TRPC5: variants seen among roughly 807,000 people sequenced by gnomAD.
TRPC5 encodes the protein short transient receptor potential channel 5.
Under a neutral mutation model 56.5 loss-of-function variants are expected in TRPC5, and 9 were observed. The observed-to-expected ratio is 0.16, with a 90% CI of 0.10 to 0.28. The LOEUF (loss-of-function observed/expected upper bound fraction) is 0.28, where lower values mean the gene tolerates loss of function less well. Among genes scored for constraint, TRPC5 ranks in the 10% least tolerant of loss-of-function variants. The pLI, the probability that TRPC5 is intolerant of heterozygous loss-of-function variation, is 1.00. For synonymous variants in TRPC5, 282 were observed against 278.5 expected (o/e 1.01, Z -0.13); for missense variants, 469 against 748.9 (o/e 0.63, Z 4.36).
intron 7 of TRPC5, 59 bp from the exon 8 acceptor site, chrX:111,782,197 T>A (rs1050584562): frequency 3.0e-5 from 31 of 1,042,842 alleles, no homozygotes; most frequent in Non-Finnish European, 3.9e-5. Flanking sequence ...TGTACTCACT[T>A]CTTATTCTAA....
intron 2 of TRPC5, among the ~76,000 whole-genome samples, chrX:111,947,107 G>C (rs1471811021): frequency 9.0e-6 from 1 of 111,301 alleles, no homozygotes; most frequent in Non-Finnish European, 1.9e-5. Flanking sequence ...AAATCCTTCA[G>C]GCCCCTCCTT....
intron 1 of TRPC5, among the ~76,000 whole-genome samples, chrX:111,965,576 G>A (rs144183657): frequency 0.22 from 24,846 of 110,604 alleles, 3,036 homozygotes; most frequent in African/African-American, 0.47. Flanking sequence ...AGTTGGAAGT[G>A]AAGCACTCCT....
chrX:111,963,826 G>A (rs1265326005), intron 1 of TRPC5, among the ~76,000 whole-genome samples: 2 of 111,407 alleles, frequency 1.8e-5, no homozygotes, highest in African/African-American at 3.3e-5. Context: ...ACATCTATAC[G>A]TCAACATCAT....
intron 3 of TRPC5, among the ~76,000 whole-genome samples, chrX:111,905,278 C>G (rs1348349699): frequency 9.1e-6 from 1 of 110,456 alleles, no homozygotes; most frequent in Non-Finnish European, 1.9e-5. Context: ...TTTCAGAGAT[C>G]CTACTCCCTC....
intron 1 of TRPC5, among the ~76,000 whole-genome samples, chrX:112,066,278 T>C (rs1930581794): frequency 1.8e-5 from 2 of 110,839 alleles, no homozygotes; most frequent in South Asian, 7.9e-4. Flanking sequence ...ATTATTTTAT[T>C]TGGCATTTGG....
intron 1 of TRPC5, among the ~76,000 whole-genome samples, chrX:112,074,495 A>G (rs1025242934): frequency 1.8e-5 from 2 of 109,937 alleles, no homozygotes; most frequent in Non-Finnish European, 3.8e-5. Flanking sequence ...ATGGGTTATC[A>G]TTATTTCTTT....
Position 112,082,069 on chromosome X carries a change from C to G in TRPC5, c.-212G>C, listed in dbSNP as rs766811149. 6.3e-5 allele frequency: 7 copies of G among 111,466 alleles called. No homozygotes were observed. The highest frequency in any genetic ancestry group is 1.3e-4 in the Non-Finnish European group (7 of 53,083). 9.2% of individuals were successfully genotyped at this position (111,466 alleles called of 1,213,427 possible). Reference sequence around the variant, plus strand: ...CAGGGAAAGGGGCGGGGTGTAAAGACGAGCGCAAGTACTGGCTCCTACCTT... The same window carrying G: ...CAGGGAAAGGGGCGGGGTGTAAAGAGGAGCGCAAGTACTGGCTCCTACCTT... On this transcript the variant is annotated 5_prime_UTR_variant, in exon 1 of 11. Transcript: ENST00000262839.
chrX:111,952,245 T>G lies in TRPC5; in HGVS notation c.176A>C (p.Tyr59Ser). 2 of 1,211,926 alleles carry G rather than the reference T, an allele frequency of 1.7e-6. No homozygotes were observed. The highest frequency in any genetic ancestry group is 2.2e-6 in the Non-Finnish European group (2 of 895,552). The change falls in exon 2 of 11, where the codon TAT (tyrosine) becomes TCT (serine). Residue 59 changes from tyrosine to serine, a missense_variant. Coordinates refer to ENST00000262839, the MANE Select transcript of TRPC5 (RefSeq NM_012471.3). ...GTCCATGCAGTTGATGTTAACATTA[T>G]AGTAGATCTCAGCCTCCTGAAGGGC... Reference protein sequence around the residue: ...KQALQEAEIYYNVNINCMDPL... With the variant: ...KQALQEAEIYSNVNINCMDPL...
At chrX:111,833,645 TG>T (rs1922476139) in intron 7 of TRPC5, among the ~76,000 whole-genome samples, 1 of 111,765 alleles carries the variant, frequency 8.9e-6, no homozygotes, top group Non-Finnish European at 1.9e-5. Flanking sequence ...CATTCCTTTT[TG>T]GTTCTGTCCT....
In TRPC5 at chrX:111,771,671, C is replaced by T. The variant is rs1945843912; in HGVS notation, c.*4642G>A. On this transcript the variant is annotated 3_prime_UTR_variant, in exon 11 of 11. Transcript: ENST00000262839. ...GAATATTAACACCTCAAGTATGCAC[C>T]AAATCTCAGGTATACAGTAAATCTG... is the stretch of plus-strand genomic sequence containing the variant. 9.0e-6 allele frequency among the ~76,000 whole-genome samples: 1 copy of T among 111,286 alleles called. No individual in the cohort carries two copies.
At chrX:111,837,051 G>C (rs1922583488) in intron 6 of TRPC5, among the ~76,000 whole-genome samples, 1 of 112,585 alleles carries the variant, frequency 8.9e-6, no homozygotes, top group Non-Finnish European at 1.9e-5. Context: ...CGCTGCTAGA[G>C]AGCTAGCCTA....
intron 2 of TRPC5, among the ~76,000 whole-genome samples, chrX:111,937,389 T>G (rs1486022635): frequency 9.7e-6 from 1 of 102,712 alleles, no homozygotes; most frequent in African/African-American, 3.7e-5. Context: ...TTGCCATTGC[T>G]TTTGGTGTTT....
intron 3 of TRPC5, chrX:111,902,260 G>GTA (rs1339590571): frequency 2.8e-5 from 19 of 667,616 alleles, no homozygotes; most frequent in Non-Finnish European, 3.8e-5. Flanking sequence ...CTTATTTTCT[G>GTA]TATATTAGCA....
chrX:111,802,180 A>G (rs996164286), intron 7 of TRPC5, among the ~76,000 whole-genome samples: 5 of 111,751 alleles, frequency 4.5e-5, no homozygotes, highest in Non-Finnish European at 7.5e-5. Context: ...GAAACTCATA[A>G]AAAATTTATT....
At chrX:111,799,047 T>G (rs1262386481) in intron 7 of TRPC5, among the ~76,000 whole-genome samples, 1 of 111,352 alleles carries the variant, frequency 9.0e-6, no homozygotes, top group East Asian at 2.8e-4. Context: ...AATAGGTTTT[T>G]TAATGCAGAT....
At chrX:112,055,942 G>C (rs1165241183) in intron 1 of TRPC5, among the ~76,000 whole-genome samples, 1 of 110,689 alleles carries the variant, frequency 9.0e-6, no homozygotes, top group African/African-American at 3.3e-5. Context: ...AGATACACAA[G>C]AGGCAACCAC....
chrX:111,985,332 C>T (rs1351705364), intron 1 of TRPC5, among the ~76,000 whole-genome samples: 1 of 111,902 alleles, frequency 8.9e-6, no homozygotes, highest in Non-Finnish European at 1.9e-5. Flanking sequence ...CAGATCTGAG[C>T]TAAAACTTCT....
At chrX:112,001,220 G>A (rs1928687253) in intron 1 of TRPC5, among the ~76,000 whole-genome samples, 1 of 111,817 alleles carries the variant, frequency 8.9e-6, no homozygotes, top group Non-Finnish European at 1.9e-5. Flanking sequence ...AGAGGCAGTA[G>A]AATGAAGTGC....
At chrX:112,028,575 T>C (rs906389749) in intron 1 of TRPC5, among the ~76,000 whole-genome samples, 1 of 111,740 alleles carries the variant, frequency 8.9e-6, no homozygotes, top group Non-Finnish European at 1.9e-5. Context: ...GGTTTCCAGC[T>C]TCATCCATGT....
Sources: gnomAD v4.1 joint callset for allele counts (sites outside exome capture counted in the v4.1 genomes callset) on GRCh38, gnomAD v4.1.1 for gene constraint, MANE v1.5 for transcripts, NCBI Gene and HGNC (gene_info 2026-07-23, HGNC 2026-07-21) for gene names.